The following RASSF8 variants were observed in gnomAD, a reference collection of about 807,000 sequenced individuals.
The protein encoded by RASSF8 is Ras association domain family member 8.
Under a neutral mutation model 48.5 loss-of-function variants are expected in RASSF8, and 22 were observed. The observed-to-expected ratio is 0.45, with a 90% CI of 0.32 to 0.65. The LOEUF (loss-of-function observed/expected upper bound fraction) is 0.65, where lower values mean the gene tolerates loss of function less well. RASSF8 is among the 30% of genes least tolerant of loss of function. RASSF8 has a pLI of 0.03. For missense variants in RASSF8, 418 were observed against 489.2 expected, an observed-to-expected ratio of 0.85 and a Z score of 1.37; for synonymous variants, 127 against 171.5, an observed-to-expected ratio of 0.74 and a Z score of 2.03.
rs1943948661 is a variant in RASSF8, at chr12:26,069,205, T to C, written c.*387T>C. ...CATGTAATCAATGTGTGAATGTTGATGTTTTAATATTTTTATTGACTTATC... is the reference window on the plus strand; with the variant it reads ...CATGTAATCAATGTGTGAATGTTGACGTTTTAATATTTTTATTGACTTATC... On this transcript the variant is annotated 3_prime_UTR_variant, in exon 6 of 6. Coordinates refer to ENST00000689635, the MANE Select transcript of RASSF8 (RefSeq NM_001394098.1). 2 of 979,730 alleles carry C rather than the reference T, an allele frequency of 2.0e-6. No individual in the cohort carries two copies. The highest frequency in any genetic ancestry group is 2.4e-6 in the Non-Finnish European group (2 of 826,720). The allele number at this position is 979,730 out of a possible 1,614,324, so 60.7% of individuals were successfully genotyped here. A position where few individuals can be genotyped will look rare whatever the true frequency, so the allele number is the denominator to read the frequency against.
At position 26,071,361 on chromosome 12, in the gene RASSF8, T is replaced by A; in HGVS notation, c.*2543T>A. On this transcript the variant is annotated 3_prime_UTR_variant, in exon 6 of 6. Coordinates refer to ENST00000689635, the MANE Select transcript of RASSF8 (RefSeq NM_001394098.1). ...AATATAAAATTTTCATCTGGGGGAA[T>A]GTTCAGGTTCTAAATACTAAATTAG... 1.0e-6 allele frequency: 1 copy of A among 961,406 alleles called. No individual in the cohort carries two copies. Among genetic ancestry groups the A allele is most frequent in the Non-Finnish European group, 1.2e-6 (1 of 808,208 alleles). The allele number at this position is 961,406 out of a possible 1,614,324, so 59.6% of individuals were successfully genotyped here.
At chr12:26,000,761 G>A (rs933611091) in intron 2 of RASSF8, among the ~76,000 whole-genome samples, 12 of 152,004 alleles carry the variant, frequency 7.9e-5, no homozygotes, top group African/African-American at 1.7e-4. Context: ...GTATCTAAAC[G>A]TATCTAAACA....
At position 26,065,292 on chromosome 12, in the gene RASSF8, G is replaced by A. The variant is rs1345268905; in HGVS notation, c.898G>A (p.Gly300Arg). Reference protein sequence around the residue: ...EVKGKIGKVKGEIDIQGQQSL... With the variant: ...EVKGKIGKVKREIDIQGQQSL... ...TAAAGGAAAGATCGGTAAGGTCAAA[G>A]GGGAGATTGACATTCAAGGCCAGCA... The change falls in exon 4 of 6, where the codon GGG becomes AGG. Residue 300 changes from glycine to arginine, a missense_variant. Gly to Arg is a moderately radical substitution (Grantham distance 125, BLOSUM62 -2). Transcript: ENST00000689635. 4.3e-6 allele frequency: 7 copies of A among 1,613,992 alleles called. No homozygotes were observed. Among genetic ancestry groups the A allele is most frequent in the African/African-American group, 1.3e-5 (1 of 74,922 alleles).
intron 1 of RASSF8, among the ~76,000 whole-genome samples, chr12:25,977,353 G>A (rs1431573016): frequency 6.6e-6 from 1 of 152,150 alleles, no homozygotes; most frequent in Non-Finnish European, 1.5e-5. Flanking sequence ...CTATAACCGT[G>A]ACCATTACAC....
intron 2 of RASSF8, among the ~76,000 whole-genome samples, chr12:26,024,294 C>G (rs1046757156): frequency 6.6e-6 from 1 of 152,110 alleles, no homozygotes. Flanking sequence ...AGCCACCACG[C>G]CCAGCCTGGA....
At chr12:26,023,628 G>GTAAC (rs1296282963) in intron 2 of RASSF8, among the ~76,000 whole-genome samples, 1 of 151,696 alleles carries the variant, frequency 6.6e-6, no homozygotes, top group East Asian at 1.9e-4. Flanking sequence ...ATAAAAGCAA[G>GTAAC]TAACTCCAGA....
chr12:25,981,713 T>C (rs1051316033), intron 1 of RASSF8, among the ~76,000 whole-genome samples: 64 of 152,218 alleles, frequency 4.2e-4, no homozygotes, highest in Non-Finnish European at 3.5e-4. Flanking sequence ...TCTTGTAAAA[T>C]TAATCACCAA....
intron 2 of RASSF8, among the ~76,000 whole-genome samples, chr12:25,996,326 CTGAT>C (rs1484403526): frequency 2.0e-5 from 3 of 152,304 alleles, no homozygotes; most frequent in African/African-American, 7.2e-5. Flanking sequence ...AAAGTTCTCT[CTGAT>C]TGTCACTTAA....
chr12:26,075,116 A>G (rs368981930), downstream of RASSF8, among the ~76,000 whole-genome samples: 7 of 152,308 alleles, frequency 4.6e-5, no homozygotes, highest in South Asian at 1.0e-3. Context: ...GCACGTAACA[A>G]ATTTTTATTG....
At chr12:26,067,135 GTAAATTTGTGACCA>G (rs1943892810) in intron 4 of RASSF8, among the ~76,000 whole-genome samples, 1 of 152,222 alleles carries the variant, frequency 6.6e-6, no homozygotes, top group African/African-American at 2.4e-5. Flanking sequence ...TGGTTAATAT[GTAAATTTGTGACCA>G]GCTTAGCAAG....
chr12:25,986,087 G>T (rs1941867453), intron 1 of RASSF8, among the ~76,000 whole-genome samples: 1 of 152,182 alleles, frequency 6.6e-6, no homozygotes, highest in Admixed American at 6.5e-5. Flanking sequence ...GATTCTCTTG[G>T]TCTCAGTGAC....
At chr12:26,025,135 G>C (rs886515024) in intron 2 of RASSF8, among the ~76,000 whole-genome samples, 3 of 152,118 alleles carry the variant, frequency 2.0e-5, no homozygotes, top group Non-Finnish European at 2.9e-5. Context: ...ATAAACACAC[G>C]CACACACGCA....
intron 2 of RASSF8, chr12:26,020,545 G>C (rs900019863): frequency 1.1e-4 from 16 of 152,130 alleles, no homozygotes; most frequent in African/African-American, 3.9e-4. Flanking sequence ...AAAGAATATT[G>C]TTTTCAGTGC....
intron 2 of RASSF8, among the ~76,000 whole-genome samples, chr12:26,013,808 G>A (rs1407658638): frequency 1.3e-5 from 2 of 151,962 alleles, no homozygotes; most frequent in Non-Finnish European, 2.9e-5. Context: ...TTCCTTTAAT[G>A]TGGCTATTGT....
At chr12:25,970,967 A>G (rs938518893) in intron 1 of RASSF8, among the ~76,000 whole-genome samples, 1 of 152,136 alleles carries the variant, frequency 6.6e-6, no homozygotes, top group African/African-American at 2.4e-5. Context: ...CTCCCTTAGG[A>G]GGTGATCGTG....
chr12:26,076,950 T>C (rs1163844890), downstream of RASSF8, among the ~76,000 whole-genome samples: 17 of 152,312 alleles, frequency 1.1e-4, no homozygotes, highest in East Asian at 1.9e-3. Flanking sequence ...TTTTAATGAT[T>C]GCCATTCTAA....
At chr12:26,063,197 GT>G (rs147027889) in intron 3 of RASSF8, among the ~76,000 whole-genome samples, 4,143 of 151,732 alleles carry the variant, frequency 0.027, 190 homozygotes, top group African/African-American at 0.096. Context: ...GGCAGCGTTG[GT>G]TTTTTTTCTT....
At chr12:26,076,965 T>C (rs527724406), downstream of RASSF8, among the ~76,000 whole-genome samples, 9 of 152,358 alleles carry the variant, frequency 5.9e-5, no homozygotes, top group East Asian at 1.7e-3. Context: ...TTCTAACTGG[T>C]GTGAGATGGT....
At chr12:26,035,639 C>A (rs1943130686) in intron 2 of RASSF8, among the ~76,000 whole-genome samples, 1 of 137,944 alleles carries the variant, frequency 7.2e-6, no homozygotes. Context: ...TATAATTTCA[C>A]CTTTTCAGTA....
Sources: gnomAD v4.1 joint callset for allele counts (sites outside exome capture counted in the v4.1 genomes callset) on GRCh38, gnomAD v4.1.1 for gene constraint, MANE v1.5 for transcripts, NCBI Gene and HGNC (gene_info 2026-07-23, HGNC 2026-07-21) for gene names.